The following CNTLN variants were observed in gnomAD, a reference collection of about 807,000 sequenced individuals.
CNTLN encodes the protein centlein, also known as centlein, centrosomal protein.
Under a neutral mutation model 180.0 loss-of-function variants are expected in CNTLN, and 212 were observed. The ratio of observed to expected loss-of-function variants is 1.18; its 90% CI spans 1.05 to 1.32. The LOEUF (loss-of-function observed/expected upper bound fraction) is 1.32, where lower values mean the gene tolerates loss of function less well. Ranked by LOEUF, CNTLN falls within the 40% of genes most tolerant of loss-of-function variation. The pLI is 0.00. For missense variants in CNTLN, 2,095 were observed against 1,610.9 expected (o/e 1.30, Z -5.14); for synonymous variants, 722 against 563.1 (o/e 1.28, Z -3.99).
At chr9:17,381,306 C>T (rs1343613369) in intron 13 of CNTLN, among the ~76,000 whole-genome samples, 1 of 152,194 alleles carries the variant, frequency 6.6e-6, no homozygotes. Context: ...TATACACTTC[C>T]CAAATTTCAA....
At chr9:17,494,424 A>G (rs1833336140) in intron 25 of CNTLN, among the ~76,000 whole-genome samples, 1 of 152,046 alleles carries the variant, frequency 6.6e-6, no homozygotes, top group Admixed American at 6.6e-5. Flanking sequence ...TATATAGGTA[A>G]ACTCATGTCG....
chr9:17,432,265 T>G (rs1385300276), intron 18 of CNTLN, among the ~76,000 whole-genome samples: 4 of 152,166 alleles, frequency 2.6e-5, no homozygotes. Flanking sequence ...TCAGCCAACA[T>G]GCTAAAAAAT....
chr9:17,221,861 A>G (rs1824157914), intron 2 of CNTLN, among the ~76,000 whole-genome samples: 1 of 152,078 alleles, frequency 6.6e-6, no homozygotes, highest in Non-Finnish European at 1.5e-5. Flanking sequence ...AAACTCTTAG[A>G]AGGGAGCTTT....
rs547162409 is a variant in CNTLN, at chr9:17,287,252, C to G, written c.984-10938C>G. Among the ~76,000 whole-genome samples, 11 of 151,836 alleles carry G rather than the reference C, an allele frequency of 7.2e-5. No individual in the cohort carries two copies. The East Asian group carries it at 2.1e-3, about 29-fold the overall frequency. On this transcript the variant is annotated intron_variant, in intron 6 of 25. Transcript: ENST00000380647. ...ATTTTGTCAAAGGCTTTTTCTGCAT[C>G]TCTTGAGATAATCATGTGGTTTTTG...
intron 12 of CNTLN, among the ~76,000 whole-genome samples, chr9:17,361,628 G>A (rs901126647): frequency 2.0e-5 from 3 of 152,132 alleles, no homozygotes; most frequent in Non-Finnish European, 2.9e-5. Context: ...TTGGTCATAT[G>A]CCTCACAAAT....
Position 17,235,100 on chromosome 9 carries a change from C to T in CNTLN, c.535-558C>T, listed in dbSNP as rs148203494. Among the ~76,000 whole-genome samples, 229 of 152,206 alleles carry T rather than the reference C, an allele frequency of 1.5e-3. 4 individuals carry two copies. The highest frequency in any genetic ancestry group is 4.7e-3 in the Admixed American group (72 of 15,292). ...AAAATTGAGTCTGGGGTACATCCAC[C>T]TCGTAGGTGTAATTTAGGTATCTCA... On this transcript the variant is annotated intron_variant, in intron 3 of 25. Coordinates refer to ENST00000380647, the MANE Select transcript of CNTLN (RefSeq NM_017738.4).
chr9:17,200,014 A>G (rs1163040282), intron 2 of CNTLN, among the ~76,000 whole-genome samples: 1 of 152,124 alleles, frequency 6.6e-6, no homozygotes, highest in Non-Finnish European at 1.5e-5. Flanking sequence ...TAATTTTTAT[A>G]TAAAGTGTAA....
intron 13 of CNTLN, among the ~76,000 whole-genome samples, chr9:17,379,861 C>G (rs948827633): frequency 6.6e-6 from 1 of 152,134 alleles, no homozygotes; most frequent in Non-Finnish European, 1.5e-5. Context: ...ATTCAGTCTC[C>G]TCTAGTCTTC....
intron 5 of CNTLN, among the ~76,000 whole-genome samples, chr9:17,239,472 G>A (rs777776613): frequency 5.9e-5 from 9 of 151,750 alleles, no homozygotes; most frequent in African/African-American, 1.5e-4. Context: ...TTTTAGTTTC[G>A]ATAATATTTT....
rs1819949234 is a variant in CNTLN, at chr9:17,322,020, C to G, written c.1342-8612C>G. 2.0e-5 allele frequency among the ~76,000 whole-genome samples: 3 copies of G among 152,030 alleles called. No individual in the cohort carries two copies. In the South Asian group the frequency reaches 6.2e-4, roughly 31 times the overall value. ...TTAGTTTCGAGTTTATATGTGTAAA[C>G]TTAATTTGAAAAGTTGACTTGATTT... is the stretch of plus-strand genomic sequence containing the variant. On this transcript the variant is annotated intron_variant, in intron 8 of 25. Coordinates refer to ENST00000380647, the MANE Select transcript of CNTLN (RefSeq NM_017738.4).
intron 16 of CNTLN, among the ~76,000 whole-genome samples, chr9:17,411,868 T>G (rs750678094): frequency 2.8e-4 from 43 of 151,982 alleles, no homozygotes; most frequent in Admixed American, 8.5e-4. Flanking sequence ...AACCGGTGAC[T>G]CCCTCCTTTC....
At chr9:17,515,267 C>T in the CNTLN span, among the ~76,000 whole-genome samples, 13 of 152,282 alleles carry the variant, frequency 8.5e-5, no homozygotes, top group African/African-American at 3.1e-4. Context: ...GCTACTCCTT[C>T]TCAGCCTCAA....
intron 2 of CNTLN, among the ~76,000 whole-genome samples, chr9:17,213,163 G>A (rs985566854): frequency 6.6e-6 from 1 of 152,096 alleles, no homozygotes; most frequent in Non-Finnish European, 1.5e-5. Flanking sequence ...GTCAATTTTA[G>A]ATCTCTTGTG....
chr9:17,273,135 A>T (rs977934160), intron 5 of CNTLN, among the ~76,000 whole-genome samples: 2 of 151,324 alleles, frequency 1.3e-5, no homozygotes, highest in African/African-American at 4.9e-5. Flanking sequence ...AATTAATTTT[A>T]TAATATATTT....
intron 2 of CNTLN, among the ~76,000 whole-genome samples, chr9:17,215,283 TA>T (rs1823656810): frequency 6.6e-6 from 1 of 152,250 alleles, no homozygotes; most frequent in Non-Finnish European, 1.5e-5. Flanking sequence ...TCAGGACCAT[TA>T]GCTGCATGTC....
At chr9:17,232,466 A>C (rs1749448690) in intron 3 of CNTLN, among the ~76,000 whole-genome samples, 1 of 149,950 alleles carries the variant, frequency 6.7e-6, no homozygotes, top group African/African-American at 2.5e-5. Context: ...TATTGGTATC[A>C]TTTATATTGT....
At chr9:17,463,834 T>G (rs1312408037) in intron 20 of CNTLN, among the ~76,000 whole-genome samples, 1 of 151,598 alleles carries the variant, frequency 6.6e-6, no homozygotes, top group African/African-American at 2.4e-5. Context: ...ATTAGGTTCT[T>G]ACGAGGAATA....
chr9:17,395,180 C>T, intron 15 of CNTLN, 111 bp downstream of exon 15: 3 of 1,404,534 alleles, frequency 2.1e-6, no homozygotes, highest in African/African-American at 1.4e-5. Flanking sequence ...AGAAAAAATA[C>T]TGTCAGATCC....
chr9:17,464,691 A>AGTGATATTTTTAT, intron 21 of CNTLN, 68 bp downstream of exon 21: 1 of 987,096 alleles, frequency 1.0e-6, no homozygotes, highest in Non-Finnish European at 1.5e-6. Flanking sequence ...CTTACCACAA[A>AGTGATATTTTTAT]CATTTAATCC....
Sources: allele counts gnomAD v4.1 joint callset (sites outside exome capture counted in the v4.1 genomes callset), GRCh38; gene constraint gnomAD v4.1.1; transcripts MANE v1.5; gene names NCBI Gene and HGNC (gene_info 2026-07-23, HGNC 2026-07-21).